The following KIAA1328 variants were observed in gnomAD, a reference collection of about 807,000 sequenced individuals.
KIAA1328 encodes the protein KIAA1328, also known as protein hinderin.
In KIAA1328, 52 loss-of-function variants were observed where a neutral mutation model predicts 68.1. The observed-to-expected ratio is 0.76, with a 90% CI of 0.61 to 0.96. The LOEUF (loss-of-function observed/expected upper bound fraction) is 0.96, where lower values mean the gene tolerates loss of function less well. KIAA1328 is among the 40% of genes least tolerant of loss of function. KIAA1328 has a pLI of 0.00. For missense variants in KIAA1328, 641 were observed against 677.6 expected, an observed-to-expected ratio of 0.95 and a Z score of 0.60; for synonymous variants, 232 against 239.4, an observed-to-expected ratio of 0.97 and a Z score of 0.28.
At chr18:37,149,732 C>T (rs767575128) in intron 7 of KIAA1328, among the ~76,000 whole-genome samples, 9 of 152,132 alleles carry the variant, frequency 5.9e-5, no homozygotes, top group Non-Finnish European at 1.3e-4. Flanking sequence ...GAGTCTGTGA[C>T]TGTATTTCTA....
intron 6 of KIAA1328, among the ~76,000 whole-genome samples, chr18:37,027,306 T>C (rs923702028): frequency 1.3e-5 from 2 of 152,164 alleles, no homozygotes; most frequent in Non-Finnish European, 2.9e-5. Context: ...AGGTAATTTA[T>C]AGATTCAATG....
intron 7 of KIAA1328, among the ~76,000 whole-genome samples, chr18:37,149,835 CT>C (rs1292570784): frequency 1.3e-5 from 2 of 152,008 alleles, no homozygotes; most frequent in Non-Finnish European, 2.9e-5. Context: ...AAAGTTGATT[CT>C]TTGAAACTGT....
chr18:37,032,964 T>G (rs1201089486), intron 6 of KIAA1328, among the ~76,000 whole-genome samples: 1 of 152,208 alleles, frequency 6.6e-6, no homozygotes, highest in Non-Finnish European at 1.5e-5. Context: ...ATAAATGATA[T>G]TCTGCCGTCA....
At chr18:37,036,163 G>T (rs1390576353) in intron 6 of KIAA1328, among the ~76,000 whole-genome samples, 1 of 152,158 alleles carries the variant, frequency 6.6e-6, no homozygotes, top group Admixed American at 6.5e-5. Context: ...GCTGCCTTGC[G>T]TCTTTGCTCA....
At chr18:36,921,307 C>T (rs2151108632) in intron 5 of KIAA1328, 1 of 151,794 alleles carries the variant, frequency 6.6e-6, no homozygotes, top group Admixed American at 6.6e-5. Flanking sequence ...TACTTTAAGC[C>T]ATCTTTGATT....
intron 7 of KIAA1328, among the ~76,000 whole-genome samples, chr18:37,076,436 G>C (rs2056737710): frequency 6.6e-6 from 1 of 151,692 alleles, no homozygotes; most frequent in Non-Finnish European, 1.5e-5. Context: ...AGAAAAGCAA[G>C]AGCAAACACA....
intron 1 of KIAA1328, among the ~76,000 whole-genome samples, chr18:36,830,426 C>T (rs1188757015): frequency 6.6e-6 from 1 of 152,148 alleles, no homozygotes; most frequent in South Asian, 2.1e-4. Flanking sequence ...GCACTGTGGA[C>T]AACTGGGCTG....
intron 9 of KIAA1328, among the ~76,000 whole-genome samples, chr18:37,216,184 C>G (rs1255405300): frequency 6.6e-6 from 1 of 152,112 alleles, no homozygotes; most frequent in East Asian, 1.9e-4. Flanking sequence ...TTGCTTTCTG[C>G]TAGGTTTTGA....
chr18:36,894,347 T>C (rs1376650061), intron 5 of KIAA1328, among the ~76,000 whole-genome samples: 2 of 152,188 alleles, frequency 1.3e-5, no homozygotes, highest in Non-Finnish European at 2.9e-5. Context: ...AGCAATTTTC[T>C]TATATTTTGA....
intron 7 of KIAA1328, among the ~76,000 whole-genome samples, chr18:37,122,782 G>A (rs1418543898): frequency 1.3e-5 from 2 of 152,116 alleles, no homozygotes; most frequent in African/African-American, 4.8e-5. Flanking sequence ...AGGGCTGATG[G>A]ATAGTGAGGT....
chr18:36,872,344 C>T (rs1007372028), intron 4 of KIAA1328, among the ~76,000 whole-genome samples: 1 of 151,874 alleles, frequency 6.6e-6, no homozygotes, highest in Admixed American at 6.6e-5. Context: ...ACCAGGACCC[C>T]CACCATCAGA....
intron 4 of KIAA1328, among the ~76,000 whole-genome samples, chr18:36,851,852 A>C (rs1420533294): frequency 6.6e-6 from 1 of 150,698 alleles, no homozygotes; most frequent in African/African-American, 2.4e-5. Context: ...TTTGGTTTCT[A>C]GTTCCTTAAG....
At chr18:37,085,458 T>A (rs2057074667) in intron 7 of KIAA1328, among the ~76,000 whole-genome samples, 1 of 152,168 alleles carries the variant, frequency 6.6e-6, no homozygotes, top group Admixed American at 6.5e-5. Flanking sequence ...TCTCACCTGG[T>A]TTACATAGCT....
chr18:36,993,906 A>T (rs1435406871), intron 6 of KIAA1328, among the ~76,000 whole-genome samples: 1 of 151,830 alleles, frequency 6.6e-6, no homozygotes, highest in African/African-American at 2.4e-5. Context: ...TTCCTTCCGT[A>T]ACTGTTTATA....
At chr18:37,165,169 G>T (rs565731442) in intron 8 of KIAA1328, among the ~76,000 whole-genome samples, 1 of 151,998 alleles carries the variant, frequency 6.6e-6, no homozygotes, top group Non-Finnish European at 1.5e-5. Context: ...TCCAAATATC[G>T]TCATATTCTG....
At chr18:36,850,690 C>G (rs1036492333) in intron 4 of KIAA1328, among the ~76,000 whole-genome samples, 1 of 152,124 alleles carries the variant, frequency 6.6e-6, no homozygotes, top group African/African-American at 2.4e-5. Context: ...TGTCATAGCT[C>G]AATCTGATAA....
At chr18:37,196,814 C>T (rs1318088279) in intron 9 of KIAA1328, among the ~76,000 whole-genome samples, 1 of 152,002 alleles carries the variant, frequency 6.6e-6, no homozygotes, top group Admixed American at 6.6e-5. Flanking sequence ...AATATTTTCT[C>T]ATCTTCAATG....
intron 7 of KIAA1328, among the ~76,000 whole-genome samples, chr18:37,083,650 A>G (rs1161629656): frequency 6.6e-6 from 1 of 152,208 alleles, no homozygotes; most frequent in Admixed American, 6.5e-5. Context: ...TCTTTGACTC[A>G]GGGAAAATAT....
At chr18:36,865,512 T>C (rs1306999326) in intron 4 of KIAA1328, among the ~76,000 whole-genome samples, 5 of 152,210 alleles carry the variant, frequency 3.3e-5, no homozygotes, top group Admixed American at 6.5e-5. Flanking sequence ...TTTATAATTG[T>C]AACTCTCTTG....
Sources: allele counts gnomAD v4.1 joint callset (sites outside exome capture counted in the v4.1 genomes callset), GRCh38; gene constraint gnomAD v4.1.1; transcripts MANE v1.5; gene names NCBI Gene and HGNC (gene_info 2026-07-23, HGNC 2026-07-21).